Variants in LIFR observed in about 807,000 individuals in gnomAD.
LIFR encodes the protein leukemia inhibitory factor receptor.
Under a neutral mutation model 122.2 loss-of-function variants are expected in LIFR, and 84 were observed. The ratio of observed to expected loss-of-function variants is 0.69; its 90% CI spans 0.58 to 0.82. LIFR has a LOEUF of 0.82. Among genes scored for constraint, LIFR ranks in the 40% least tolerant of loss-of-function variants. The pLI is 0.00. For missense variants in LIFR, 1,294 were observed against 1,311.6 expected (o/e 0.99, Z 0.21); for synonymous variants, 422 against 434.7 (o/e 0.97, Z 0.36).
At chr5:38,537,099 C>T (rs527846749) in intron 1 of LIFR, among the ~76,000 whole-genome samples, 16 of 152,254 alleles carry the variant, frequency 1.1e-4, no homozygotes, top group African/African-American at 3.9e-4. Flanking sequence ...ATTCAAGAGC[C>T]AGTCCATTAT....
At chr5:38,602,802 A>G (rs1352642181) in intron 2 of LIFR, among the ~76,000 whole-genome samples, 1 of 152,186 alleles carries the variant, frequency 6.6e-6, no homozygotes. Context: ...TTCGACAATT[A>G]TCACACTGAC....
chr5:38,549,726 G>C (rs1266177932), intron 1 of LIFR, among the ~76,000 whole-genome samples: 1 of 152,226 alleles, frequency 6.6e-6, no homozygotes, highest in East Asian at 1.9e-4. Flanking sequence ...AGGAGGCGGA[G>C]CTTGCAGTGA....
intron 1 of LIFR, among the ~76,000 whole-genome samples, chr5:38,533,363 A>C (rs1747120436): frequency 6.6e-6 from 1 of 152,228 alleles, no homozygotes; most frequent in African/African-American, 2.4e-5. Context: ...CTTTACACAT[A>C]TGCTGACTTC....
At chr5:38,588,999 CTT>C (rs70978896) in intron 1 of LIFR, among the ~76,000 whole-genome samples, 2,335 of 116,388 alleles carry the variant, frequency 0.02, 70 homozygotes, top group Admixed American at 0.095. Flanking sequence ...TATGTTATTT[CTT>C]TTTTTTTTTT....
chr5:38,563,975 C>T lies in LIFR; in HGVS notation c.-20+31286G>A, dbSNP rs138088912. ...AGGCTTTGACAAAGTTGGGTTTTGA[C>T]TGAGTGCTGTCAAAGGCTCTTCTCA... On this transcript the variant is annotated intron_variant, in intron 1 of 19. Transcript: ENST00000263409. Among the ~76,000 whole-genome samples the T allele has an allele frequency of 1.9e-3, 287 of 152,294 alleles. 3 individuals are homozygous for T. Among genetic ancestry groups the T allele is most frequent in the African/African-American group, 6.6e-3 (273 of 41,582 alleles).
chr5:38,555,115 T>A (rs1748446159), intron 1 of LIFR: 1 of 152,204 alleles, frequency 6.6e-6, no homozygotes, highest in South Asian at 2.1e-4. Flanking sequence ...AACTCCCTAA[T>A]GAAGTTTCCA....
intron 2 of LIFR, among the ~76,000 whole-genome samples, chr5:38,600,439 T>C (rs989780953): frequency 6.6e-6 from 1 of 152,228 alleles, no homozygotes. Context: ...TTTTAACTAT[T>C]TGGGTTCTGC....
At chr5:38,505,401 TACACACAC>T (rs58882043) in intron 9 of LIFR, among the ~76,000 whole-genome samples, 3,031 of 139,370 alleles carry the variant, frequency 0.022, 37 homozygotes, top group African/African-American at 0.024. Flanking sequence ...TGCATAGAAC[TACACACAC>T]ACACACACAC....
chr5:38,583,138 G>A (rs1232505007), intron 1 of LIFR, among the ~76,000 whole-genome samples: 2 of 152,198 alleles, frequency 1.3e-5, no homozygotes, highest in Non-Finnish European at 2.9e-5. Flanking sequence ...ATGCTTGCTT[G>A]TTACGTAGAG....
Position 38,506,521 on chromosome 5 carries a change from C to A in LIFR, c.1103G>T (p.Ser368Ile), listed in dbSNP as rs867777562. 10 of 1,613,950 alleles carry A rather than the reference C, an allele frequency of 6.2e-6. No individual in the cohort carries two copies. In the African/African-American group the frequency reaches 1.3e-4, roughly 22 times the overall value. Reference sequence around the variant, plus strand: ...TCATTACCTTTCAACTAAAGTGTAGCTTGTAGCACGTGGGCCCACCAACGC... The same window carrying A: ...TCATTACCTTTCAACTAAAGTGTAGATTGTAGCACGTGGGCCCACCAACGC... ...VTALVGPRAT[S>I]YTLVESFSGK... Residue 368 changes from serine to isoleucine, a missense_variant, in exon 8 of 20, where the codon AGC becomes ATC. Transcript: ENST00000453190.
chr5:38,583,574 A>C (rs1194619578), intron 1 of LIFR, among the ~76,000 whole-genome samples: 1 of 152,272 alleles, frequency 6.6e-6, no homozygotes, highest in Non-Finnish European at 1.5e-5. Context: ...GTTAATACCC[A>C]AAATTTATAA....
At chr5:38,522,808 T>C (rs903197324) in intron 5 of LIFR, among the ~76,000 whole-genome samples, 5 of 152,220 alleles carry the variant, frequency 3.3e-5, no homozygotes, top group African/African-American at 1.2e-4. Flanking sequence ...AATCATGAGA[T>C]GGTCTTCTAA....
At position 38,487,941 on chromosome 5, in the gene LIFR, C is replaced by A. The variant is rs76069835; in HGVS notation, c.2335+1137G>T. ...TTCACAATCTTCCACTCATTTAAGT[C>A]ATTTGCCCCACTTCCACCCACAAAT... On this transcript the variant is annotated intron_variant, in intron 16 of 19. Transcript: ENST00000453190. 1.9e-3 allele frequency among the ~76,000 whole-genome samples: 296 copies of A among 152,352 alleles called. 2 individuals are homozygous for A. Among genetic ancestry groups the A allele is most frequent in the African/African-American group, 6.4e-3 (268 of 41,596 alleles).
At chr5:38,589,283 T>C (rs1749850042) in intron 1 of LIFR, among the ~76,000 whole-genome samples, 1 of 152,154 alleles carries the variant, frequency 6.6e-6, no homozygotes, top group Non-Finnish European at 1.5e-5. Flanking sequence ...ACTGCCTCCT[T>C]TAAGTGTAGG....
chr5:38,577,869 A>C (rs1749438634), intron 1 of LIFR, among the ~76,000 whole-genome samples: 1 of 152,242 alleles, frequency 6.6e-6, no homozygotes, highest in African/African-American at 2.4e-5. Flanking sequence ...TTTGTGCATA[A>C]AATATTTTGC....
intron 1 of LIFR, among the ~76,000 whole-genome samples, chr5:38,568,715 A>T (rs972511363): frequency 6.6e-6 from 1 of 152,170 alleles, no homozygotes; most frequent in African/African-American, 2.4e-5. Flanking sequence ...TCGTGCATAC[A>T]TGCCCAACTG....
intron 1 of LIFR, among the ~76,000 whole-genome samples, chr5:38,543,330 C>A (rs1747694002): frequency 6.6e-6 from 1 of 152,132 alleles, no homozygotes; most frequent in Non-Finnish European, 1.5e-5. Flanking sequence ...ACATGGCATG[C>A]ATGAGGAAAT....
chr5:38,565,098 T>C (rs1173668615), intron 1 of LIFR, among the ~76,000 whole-genome samples: 1 of 152,186 alleles, frequency 6.6e-6, no homozygotes, highest in Non-Finnish European at 1.5e-5. Flanking sequence ...GTAAGGAATT[T>C]GTTGAAATTA....
In LIFR at chr5:38,530,488, G is replaced by C. The variant is rs778400647; in HGVS notation, c.142+18C>G. The C allele has an allele frequency of 1.2e-6, 2 of 1,603,754 alleles. No individual in the cohort carries two copies. The highest frequency in any genetic ancestry group is 2.7e-5 in the African/African-American group (2 of 74,640). On this transcript the variant is annotated intron_variant, in intron 2 of 19. Coordinates refer to ENST00000453190, the MANE Select transcript of LIFR (RefSeq NM_001127671.2). Reference sequence around the variant, plus strand: ...AAAACTGCAATCTGTTCATTCTCTGGAAGGCTGATGCACTTACCCTTTTTC... The same window carrying C: ...AAAACTGCAATCTGTTCATTCTCTGCAAGGCTGATGCACTTACCCTTTTTC...
Sources: allele counts gnomAD v4.1 joint callset (sites outside exome capture counted in the v4.1 genomes callset), GRCh38; gene constraint gnomAD v4.1.1; transcripts MANE v1.5; gene names NCBI Gene and HGNC (gene_info 2026-07-23, HGNC 2026-07-21).